The following XPO7 variants were observed in gnomAD, a reference collection of about 807,000 sequenced individuals.
XPO7 encodes the protein exportin-7.
In XPO7, 21 loss-of-function variants were observed where a neutral mutation model predicts 144.3. The ratio of observed to expected loss-of-function variants is 0.15; its 90% CI spans 0.10 to 0.21. XPO7 has a LOEUF of 0.21. Ranked by LOEUF, XPO7 falls within the 10% of genes least tolerant of loss-of-function variation. The probability of loss-of-function intolerance (pLI) is 1.00; values close to 1 mark genes in which losing one functional copy is unlikely to be tolerated. For missense variants in XPO7, 808 were observed against 1,325.8 expected (o/e 0.61, Z 6.06); for synonymous variants, 580 against 499.6 (o/e 1.16, Z -2.15).
intron 1 of XPO7, among the ~76,000 whole-genome samples, chr8:21,930,625 C>A (rs1420673500): frequency 1.3e-5 from 2 of 152,122 alleles, no homozygotes; most frequent in South Asian, 4.1e-4. Flanking sequence ...AATATGGCTT[C>A]TGTGGAGGAA....
At position 21,984,846 on chromosome 8, in the gene XPO7, G is replaced by A; in HGVS notation, c.1471+7G>A. On this transcript the variant is annotated splice_region_variant and intron_variant, in intron 12 of 27. Coordinates refer to ENST00000252512, the MANE Select transcript of XPO7 (RefSeq NM_015024.5). Reference sequence around the variant, plus strand: ...GACATTGCAGTGCAGGAGGGTGAGTGTGCAGCGTGCTGGGAACTCTAGACC... The same window carrying A: ...GACATTGCAGTGCAGGAGGGTGAGTATGCAGCGTGCTGGGAACTCTAGACC... 2.5e-6 allele frequency: 4 copies of A among 1,613,232 alleles called. No individual in the cohort carries two copies. Among genetic ancestry groups the A allele is most frequent in the Non-Finnish European group, 3.4e-6 (4 of 1,179,736 alleles).
At chr8:21,923,702 C>T (rs905998476) in intron 1 of XPO7, among the ~76,000 whole-genome samples, 1 of 151,658 alleles carries the variant, frequency 6.6e-6, no homozygotes, top group African/African-American at 2.4e-5. Context: ...GATCCCTGTT[C>T]TATATCTTAC....
chr8:22,002,369 T>TCAG, intron 25 of XPO7, 97 bp downstream of exon 25: 1 of 1,403,762 alleles, frequency 7.1e-7, no homozygotes, highest in Non-Finnish European at 9.6e-7. Flanking sequence ...ACATGACATC[T>TCAG]CATCAGGTTC....
chr8:21,949,729 ATTG>A (rs1180143775), intron 1 of XPO7, among the ~76,000 whole-genome samples: 5 of 151,904 alleles, frequency 3.3e-5, no homozygotes, highest in Non-Finnish European at 7.4e-5. Context: ...TGTTGTTGTT[ATTG>A]TTGTTGTTTG....
chr8:21,981,414 C>A (rs1812406049), intron 9 of XPO7, among the ~76,000 whole-genome samples: 1 of 152,192 alleles, frequency 6.6e-6, no homozygotes, highest in African/African-American at 2.4e-5. Flanking sequence ...CCCACTTCTG[C>A]TATAATGAGC....
intron 1 of XPO7, among the ~76,000 whole-genome samples, chr8:21,958,908 C>G (rs1051384689): frequency 3.3e-5 from 5 of 150,564 alleles, no homozygotes; most frequent in Non-Finnish European, 5.9e-5. Flanking sequence ...TTGCAGTGAG[C>G]CGAGTTCGCG....
chr8:21,947,643 C>G (rs772217828), intron 1 of XPO7, among the ~76,000 whole-genome samples: 2 of 152,058 alleles, frequency 1.3e-5, no homozygotes, highest in Non-Finnish European at 2.9e-5. Flanking sequence ...ATGTTTATGA[C>G]TTTAGGATAG....
At chr8:21,982,903 G>C in intron 11 of XPO7, 91 bp downstream of exon 11, 1 of 1,448,118 alleles carries the variant, frequency 6.9e-7, no homozygotes, top group Non-Finnish European at 9.2e-7. Context: ...AGAGGTACTC[G>C]AAGCGTGTCT....
rs1297493461 is a variant in XPO7 at position 21,985,703 on chromosome 8, C to T, written c.1577+12C>T. 1.2e-6 allele frequency: 2 copies of T among 1,611,346 alleles called. No homozygotes were observed. Among genetic ancestry groups the T allele is most frequent in the East Asian group, 2.2e-5 (1 of 44,870 alleles). Reference sequence around the variant, plus strand: ...GAGCTTGTCTGTCGGTAAGTGCTCCCCACAGAAGCTCTCCACTCTGCCTTG... The same window carrying T: ...GAGCTTGTCTGTCGGTAAGTGCTCCTCACAGAAGCTCTCCACTCTGCCTTG... On this transcript the variant is annotated intron_variant, in intron 13 of 27. Coordinates refer to ENST00000252512, the MANE Select transcript of XPO7 (RefSeq NM_015024.5).
chr8:21,927,703 G>A (rs1013645809), intron 1 of XPO7, among the ~76,000 whole-genome samples: 1 of 151,878 alleles, frequency 6.6e-6, no homozygotes, highest in African/African-American at 2.4e-5. Flanking sequence ...GCACCACCAC[G>A]CCCAGCTAAT....
In XPO7 at chr8:22,005,326, G is replaced by T; in HGVS notation, c.*238G>T. 1 of 343,914 alleles carries T rather than the reference G, an allele frequency of 2.9e-6. No individual in the cohort carries two copies. The highest frequency in any genetic ancestry group is 4.7e-5 in the Admixed American group (1 of 21,102). The allele number at this position is 343,914 out of a possible 1,614,324, so 21.3% of individuals were successfully genotyped here. A position where few individuals can be genotyped will look rare whatever the true frequency, so the allele number is the denominator to read the frequency against. ...TGGGAAGGGTGGTGGGAGGAGATAA[G>T]AGATACAAACTGAGACTCCAGCCTC... On this transcript the variant is annotated 3_prime_UTR_variant, in exon 28 of 28. Coordinates refer to ENST00000252512, the MANE Select transcript of XPO7 (RefSeq NM_015024.5).
chr8:21,984,345 G>T (rs1248537682), intron 11 of XPO7, among the ~76,000 whole-genome samples: 1 of 152,090 alleles, frequency 6.6e-6, no homozygotes, highest in South Asian at 2.1e-4. Flanking sequence ...AGAGTCAAGA[G>T]GTCAGACAGT....
In XPO7 at chr8:21,980,164, T is replaced by C; in HGVS notation, c.918T>C (p.His306=). 1.9e-6 allele frequency: 3 copies of C among 1,603,770 alleles called. No homozygotes were observed. Among genetic ancestry groups the C allele is most frequent in the East Asian group, 2.2e-5 (1 of 44,700 alleles). ...CAGAGAGGGCCAAGTTTCTCTCTCA[T>C]CTTGTTGATGGTGTTAAACGAATAC... ...NNAERAKFLS[H]LVDGVKRILE... Residue 306 remains histidine, a synonymous_variant, in exon 9 of 28, where the codon CAT becomes CAC. Coordinates refer to ENST00000252512, the MANE Select transcript of XPO7 (RefSeq NM_015024.5).
intron 24 of XPO7, among the ~76,000 whole-genome samples, 187 bp downstream of exon 24, chr8:21,999,861 G>A (rs1287383810): frequency 2.0e-5 from 3 of 152,168 alleles, no homozygotes; most frequent in African/African-American, 7.2e-5. Flanking sequence ...CCCTTCCTAA[G>A]TACAAGGCCC....
At chr8:21,983,966 A>G (rs994087604) in intron 11 of XPO7, among the ~76,000 whole-genome samples, 26 of 152,342 alleles carry the variant, frequency 1.7e-4, no homozygotes, top group African/African-American at 5.8e-4. Flanking sequence ...GACCTAGTAC[A>G]GGGCCACAAT....
In XPO7 at chr8:21,989,223, A is replaced by G. The variant is rs1007948813; in HGVS notation, c.1868+140A>G. 8.8e-6 allele frequency: 7 copies of G among 791,036 alleles called. No homozygotes were observed. In the African/African-American group the frequency reaches 1.1e-4, roughly 12 times the overall value. 49.0% of individuals were successfully genotyped at this position (791,036 alleles called of 1,614,324 possible). On this transcript the variant is annotated intron_variant, in intron 16 of 27. Coordinates refer to ENST00000252512, the MANE Select transcript of XPO7 (RefSeq NM_015024.5). ...CTTCCATTTTCCTAGGAGTCCAAAA[A>G]AACGCCAATGCCCATGCAGAATATA...
At position 21,932,268 on chromosome 8, in the gene XPO7, A is replaced by G. The variant is rs190524095; in HGVS notation, c.18+12480A>G. Among the ~76,000 whole-genome samples the G allele has an allele frequency of 4.9e-3, 742 of 152,356 alleles. 12 individuals carry two copies. Among genetic ancestry groups the G allele is most frequent in the Non-Finnish European group, 4.0e-3 (275 of 68,028 alleles). The stretch of plus-strand genomic sequence containing the variant: ...AGATCATACAGCAGTATAAACTTGA[A>G]AAGCAAATTGATATTTTACAAAACT... On this transcript the variant is annotated intron_variant, in intron 1 of 27. Coordinates refer to ENST00000252512, the MANE Select transcript of XPO7 (RefSeq NM_015024.5).
In XPO7 at chr8:22,005,215, A is replaced by G. The variant is rs923939605; in HGVS notation, c.*127A>G. The G allele has an allele frequency of 1.5e-5, 10 of 686,782 alleles. No homozygotes were observed. The highest frequency in any genetic ancestry group is 1.2e-4 in the East Asian group (4 of 34,728). 42.5% of individuals were successfully genotyped at this position (686,782 alleles called of 1,614,324 possible). On this transcript the variant is annotated 3_prime_UTR_variant, in exon 28 of 28. Coordinates refer to ENST00000252512, the MANE Select transcript of XPO7 (RefSeq NM_015024.5). ...CTCCAGGGGTGTGGGGAAAATGGCAAAGGTCAACTAGCTGCTTCCCCAGGG... is the reference window on the plus strand; with the variant it reads ...CTCCAGGGGTGTGGGGAAAATGGCAGAGGTCAACTAGCTGCTTCCCCAGGG...
At chr8:21,978,351 A>G (rs185943824) in intron 8 of XPO7, among the ~76,000 whole-genome samples, 3 of 152,366 alleles carry the variant, frequency 2.0e-5, no homozygotes, top group Admixed American at 2.0e-4. Flanking sequence ...TTCACGTTCT[A>G]AAATACTATT....
Sources: gnomAD v4.1 joint callset for allele counts (sites outside exome capture counted in the v4.1 genomes callset) on GRCh38, gnomAD v4.1.1 for gene constraint, MANE v1.5 for transcripts, NCBI Gene and HGNC (gene_info 2026-07-23, HGNC 2026-07-21) for gene names.